The following KCTD8 variants were observed in gnomAD, a reference collection of about 807,000 sequenced individuals.
The protein encoded by KCTD8 is BTB/POZ domain-containing protein KCTD8.
KCTD8 carries 27 observed loss-of-function variants against 31.5 expected under a neutral mutation model. The ratio of observed to expected loss-of-function variants is 0.86; its 90% CI spans 0.63 to 1.18. The LOEUF is 1.18. Among genes scored for constraint, KCTD8 ranks in the 50% most tolerant of loss-of-function variants. The pLI is 0.00. For synonymous variants in KCTD8, 290 were observed against 280.0 expected (o/e 1.04, Z -0.36); for missense variants, 658 against 647.7 (o/e 1.02, Z -0.17).
chr4:44,422,283 A>C (rs1336743500), intron 1 of KCTD8, among the ~76,000 whole-genome samples: 2 of 152,056 alleles, frequency 1.3e-5, no homozygotes, highest in Non-Finnish European at 2.9e-5. Context: ...ATATAATATG[A>C]GGATTTTCTT....
chr4:44,210,294 C>G (rs1477080879), intron 1 of KCTD8, among the ~76,000 whole-genome samples: 10 of 152,104 alleles, frequency 6.6e-5, no homozygotes, highest in Non-Finnish European at 1.2e-4. Flanking sequence ...CTAATTCTAT[C>G]TTGTATTTCT....
intron 1 of KCTD8, among the ~76,000 whole-genome samples, chr4:44,314,327 G>C (rs1057159035): frequency 2.0e-5 from 3 of 152,150 alleles, no homozygotes; most frequent in African/African-American, 7.2e-5. Flanking sequence ...GCAGCTGGTG[G>C]TAGTTAGATA....
chr4:44,296,010 T>C (rs1717419751), intron 1 of KCTD8, among the ~76,000 whole-genome samples: 1 of 152,222 alleles, frequency 6.6e-6, no homozygotes, highest in Non-Finnish European at 1.5e-5. Flanking sequence ...TAGCCATTAA[T>C]AATGGTTTCC....
At chr4:44,355,623 T>C (rs986540162) in intron 1 of KCTD8, among the ~76,000 whole-genome samples, 1 of 152,182 alleles carries the variant, frequency 6.6e-6, no homozygotes, top group African/African-American at 2.4e-5. Context: ...ATTGTTCTCA[T>C]TTATTTCTGA....
Position 44,447,756 on chromosome 4 carries a change from G to A in KCTD8, c.768C>T (p.Arg256=). 6.2e-7 allele frequency: 1 copy of A among 1,612,002 alleles called. No homozygotes were observed. Among genetic ancestry groups the A allele is most frequent in the East Asian group, 2.2e-5 (1 of 44,762 alleles). ...ACTTCTCCGGCTGCCGGTCGGGGTC[G>A]CGGCTCTCGTTGAGCGTGTCCCCGA... is the stretch of plus-strand genomic sequence containing the variant. ...EVFGDTLNES[R]DPDRQPEKYT... The change falls in exon 1 of 2, where the codon CGC becomes CGT. Residue 256 remains arginine, a synonymous_variant. Transcript: ENST00000360029.
intron 1 of KCTD8, among the ~76,000 whole-genome samples, chr4:44,370,115 A>G (rs1719743885): frequency 6.6e-6 from 1 of 152,164 alleles, no homozygotes; most frequent in Non-Finnish European, 1.5e-5. Flanking sequence ...ACTTCACACA[A>G]GGAAATATTC....
intron 1 of KCTD8, among the ~76,000 whole-genome samples, chr4:44,354,899 A>G (rs894190205): frequency 6.6e-6 from 1 of 152,158 alleles, no homozygotes; most frequent in South Asian, 2.1e-4. Flanking sequence ...TCTGAAAGGC[A>G]AAAAGAGTGA....
intron 1 of KCTD8, among the ~76,000 whole-genome samples, chr4:44,417,429 AAAT>A (rs1449654133): frequency 1.3e-5 from 2 of 152,100 alleles, no homozygotes; most frequent in Non-Finnish European, 2.9e-5. Context: ...GACGATTTTG[AAAT>A]AATAATAATA....
chr4:44,190,716 A>T (rs1476353077), intron 1 of KCTD8, among the ~76,000 whole-genome samples: 1 of 152,178 alleles, frequency 6.6e-6, no homozygotes, highest in Non-Finnish European at 1.5e-5. Flanking sequence ...CTCAGATATG[A>T]CTGTAGGGGA....
intron 1 of KCTD8, among the ~76,000 whole-genome samples, chr4:44,232,723 G>A (rs1000213366): frequency 3.9e-5 from 6 of 152,094 alleles, no homozygotes; most frequent in African/African-American, 1.2e-4. Flanking sequence ...CAGAATAATA[G>A]TTTCCTTTGG....
intron 1 of KCTD8, among the ~76,000 whole-genome samples, chr4:44,242,781 G>A (rs1715543554): frequency 6.6e-6 from 1 of 152,042 alleles, no homozygotes; most frequent in Non-Finnish European, 1.5e-5. Context: ...TACTGGGTGA[G>A]TTCTCATAAG....
At position 44,272,121 on chromosome 4, in the gene KCTD8, T is replaced by TTATATATATATATATATATATATATA. The variant is rs34459205; in HGVS notation, c.962-96872_962-96871insTATATATATATATATATATATATATA. On this transcript the variant is annotated intron_variant, in intron 1 of 1. Coordinates refer to ENST00000360029, the MANE Select transcript of KCTD8 (RefSeq NM_198353.3). Reference sequence around the variant, plus strand: ...ATCAATAAATACCCATGGTATTATATTATATATATATATATATATAAATGC... The same window carrying TTATATATATATATATATATATATATA: ...ATCAATAAATACCCATGGTATTATATTATATATATATATATATATATATATATATATATATATATATATATAAATGC... 1.7e-3 allele frequency among the ~76,000 whole-genome samples: 238 copies of TTATATATATATATATATATATATATA among 142,420 alleles called. 5 individuals are homozygous for TTATATATATATATATATATATATATA. The highest frequency in any genetic ancestry group is 6.3e-3 in the African/African-American group (229 of 36,494). 93.4% of individuals were successfully genotyped at this position (142,420 alleles called of 152,430 possible).
At chr4:44,365,957 T>G (rs1278937343) in intron 1 of KCTD8, among the ~76,000 whole-genome samples, 1 of 150,758 alleles carries the variant, frequency 6.6e-6, no homozygotes, top group African/African-American at 2.4e-5. Flanking sequence ...CTGCTATACA[T>G]CACTTTGACA....
chr4:44,313,088 C>T (rs1021667043), intron 1 of KCTD8, among the ~76,000 whole-genome samples: 1 of 152,116 alleles, frequency 6.6e-6, no homozygotes, highest in African/African-American at 2.4e-5. Flanking sequence ...GAACAAATTT[C>T]CTTGGTGTGC....
At chr4:44,183,828 G>A (rs1033055615) in intron 1 of KCTD8, among the ~76,000 whole-genome samples, 4 of 152,100 alleles carry the variant, frequency 2.6e-5, no homozygotes, top group African/African-American at 9.7e-5. Context: ...AAATGTGTCT[G>A]CAACAGTCAC....
At chr4:44,226,618 T>C (rs183266297) in intron 1 of KCTD8, among the ~76,000 whole-genome samples, 1 of 152,318 alleles carries the variant, frequency 6.6e-6, no homozygotes, top group Admixed American at 6.5e-5. Context: ...ATAGCCACAC[T>C]GTTTTCCACA....
At chr4:44,295,685 C>A (rs1717408809) in intron 1 of KCTD8, among the ~76,000 whole-genome samples, 1 of 151,996 alleles carries the variant, frequency 6.6e-6, no homozygotes. Context: ...TCTCATAGTT[C>A]TAGAGGCTTA....
chr4:44,437,257 T>C (rs1721679600), intron 1 of KCTD8, among the ~76,000 whole-genome samples: 1 of 152,076 alleles, frequency 6.6e-6, no homozygotes, highest in Non-Finnish European at 1.5e-5. Flanking sequence ...CCTCACAACT[T>C]GTATCTTATG....
At chr4:44,404,632 A>G (rs1022169015) in intron 1 of KCTD8, among the ~76,000 whole-genome samples, 3 of 152,242 alleles carry the variant, frequency 2.0e-5, no homozygotes, top group Non-Finnish European at 2.9e-5. Flanking sequence ...AAAGGGAAGT[A>G]AGGTGAATGA....
Sources: allele counts gnomAD v4.1 joint callset (sites outside exome capture counted in the v4.1 genomes callset), GRCh38; gene constraint gnomAD v4.1.1; transcripts MANE v1.5; gene names NCBI Gene and HGNC (gene_info 2026-07-23, HGNC 2026-07-21).